Variants in NEGR1 observed in about 807,000 individuals in gnomAD.
The protein encoded by NEGR1 is neuronal growth regulator 1, also known as IgLON family member 4.
Under a neutral mutation model 40.9 loss-of-function variants are expected in NEGR1, and 10 were observed. The ratio of observed to expected loss-of-function variants is 0.24; its 90% confidence interval spans 0.15 to 0.42. NEGR1 has a LOEUF of 0.42. Among genes scored for constraint, NEGR1 ranks in the 10% least tolerant of loss-of-function variants. The pLI is 1.00. For missense variants in NEGR1, 352 were observed against 438.9 expected (o/e 0.80, Z 1.77); for synonymous variants, 185 against 166.8 (o/e 1.11, Z -0.84).
intron 6 of NEGR1, among the ~76,000 whole-genome samples, chr1:71,558,096 T>C (rs2101476640): frequency 6.6e-6 from 1 of 151,630 alleles, no homozygotes; most frequent in Middle Eastern, 3.4e-3. Context: ...TAATGTGTCT[T>C]ACTTCTGGTG....
At chr1:71,860,551 A>G (rs534663060) in intron 2 of NEGR1, among the ~76,000 whole-genome samples, 9 of 152,054 alleles carry the variant, frequency 5.9e-5, no homozygotes, top group Non-Finnish European at 1.2e-4. Flanking sequence ...TATGTTTGAA[A>G]AATCATTATA....
At chr1:71,617,564 G>A (rs997817217) in intron 4 of NEGR1, among the ~76,000 whole-genome samples, 1 of 152,206 alleles carries the variant, frequency 6.6e-6, no homozygotes, top group Admixed American at 6.5e-5. Flanking sequence ...CATGGACGGA[G>A]TTGCTGCCAT....
At chr1:71,470,355 C>T (rs1020976796) in intron 6 of NEGR1, among the ~76,000 whole-genome samples, 1 of 151,884 alleles carries the variant, frequency 6.6e-6, no homozygotes. Flanking sequence ...GATAATATGC[C>T]TCTCGATGTT....
intron 6 of NEGR1, among the ~76,000 whole-genome samples, chr1:71,533,996 C>T (rs1215351684): frequency 6.6e-6 from 1 of 151,554 alleles, no homozygotes; most frequent in African/African-American, 2.4e-5. Flanking sequence ...AGTAAGAAAA[C>T]CAGATTAGAT....
At chr1:72,225,728 A>T (rs1654171102) in intron 1 of NEGR1, among the ~76,000 whole-genome samples, 1 of 151,530 alleles carries the variant, frequency 6.6e-6, no homozygotes, top group African/African-American at 2.4e-5. Flanking sequence ...TATCCTGATA[A>T]ATAATTTTTA....
intron 1 of NEGR1, among the ~76,000 whole-genome samples, chr1:72,019,396 T>C (rs1391917684): frequency 2.0e-5 from 3 of 152,148 alleles, no homozygotes; most frequent in Non-Finnish European, 4.4e-5. Context: ...TGGTTTACAC[T>C]AGAAAATAGT....
chr1:71,511,226 T>C (rs1203907771), intron 6 of NEGR1, among the ~76,000 whole-genome samples: 4 of 152,226 alleles, frequency 2.6e-5, no homozygotes, highest in African/African-American at 9.6e-5. Flanking sequence ...GGAAAGGCAG[T>C]ATTCCTTGCT....
intron 1 of NEGR1, among the ~76,000 whole-genome samples, chr1:72,242,607 T>A (rs1570166144): frequency 6.6e-6 from 1 of 151,794 alleles, no homozygotes; most frequent in East Asian, 1.9e-4. Context: ...AATAATTTAC[T>A]CATGATATTA....
intron 1 of NEGR1, among the ~76,000 whole-genome samples, chr1:72,026,771 T>C (rs1646814137): frequency 6.6e-6 from 1 of 151,974 alleles, no homozygotes; most frequent in Non-Finnish European, 1.5e-5. Context: ...CCTCTTTTCC[T>C]TTTTTTTCAA....
At chr1:71,501,294 T>G (rs1178386007) in intron 6 of NEGR1, among the ~76,000 whole-genome samples, 1 of 152,176 alleles carries the variant, frequency 6.6e-6, no homozygotes, top group Non-Finnish European at 1.5e-5. Flanking sequence ...TCCTTTAAAA[T>G]TAATGCATTA....
chr1:72,227,802 G>GA (rs1325096335), intron 1 of NEGR1, among the ~76,000 whole-genome samples: 2 of 152,056 alleles, frequency 1.3e-5, no homozygotes, highest in Non-Finnish European at 2.9e-5. Context: ...AGACAGCTTT[G>GA]AATTTCACAG....
chr1:72,235,118 C>T (rs1255237344), intron 1 of NEGR1, among the ~76,000 whole-genome samples: 1 of 151,940 alleles, frequency 6.6e-6, no homozygotes, highest in Non-Finnish European at 1.5e-5. Flanking sequence ...TTCCTCTTGG[C>T]CTAAAACAAC....
intron 2 of NEGR1, among the ~76,000 whole-genome samples, chr1:71,828,538 G>A (rs146962454): frequency 1.2e-3 from 177 of 151,450 alleles, no homozygotes; most frequent in African/African-American, 4.1e-3. Flanking sequence ...CCTTTGTCTC[G>A]CTCTCTTTTT....
chr1:72,159,415 T>A (rs1196173991), intron 1 of NEGR1, among the ~76,000 whole-genome samples: 1 of 152,124 alleles, frequency 6.6e-6, no homozygotes. Flanking sequence ...AACATTGGAT[T>A]CACATTAGTG....
chr1:71,716,856 C>A (rs1329100276), intron 3 of NEGR1, among the ~76,000 whole-genome samples: 2 of 152,130 alleles, frequency 1.3e-5, no homozygotes, highest in African/African-American at 4.8e-5. Flanking sequence ...TTTGCAATGG[C>A]AAGTTTAGCC....
chr1:71,690,619 C>CAGAGAGAGAGAGAGAGAGAGAGAG lies in NEGR1; in HGVS notation c.667+7365_667+7388dup, dbSNP rs59019409. On this transcript the variant is annotated intron_variant, in intron 4 of 6. Coordinates refer to ENST00000357731, the MANE Select transcript of NEGR1 (RefSeq NM_173808.3). ...ACACACATATATATATAGAGGGAGA[C>CAGAGAGAGAGAGAGAGAGAGAGAG]AGAGAGAGAGAGAGAGAGAGAGAGA... 4.9e-4 allele frequency among the ~76,000 whole-genome samples: 33 copies of CAGAGAGAGAGAGAGAGAGAGAGAG among 67,646 alleles called. 3 individuals are homozygous for CAGAGAGAGAGAGAGAGAGAGAGAG. Among genetic ancestry groups the CAGAGAGAGAGAGAGAGAGAGAGAG allele is most frequent in the East Asian group, 2.5e-3 (5 of 1,964 alleles). The allele number at this position is 67,646 out of a possible 152,430, so 44.4% of individuals were successfully genotyped here.
intron 1 of NEGR1, among the ~76,000 whole-genome samples, chr1:72,024,114 T>G (rs184801830): frequency 6.6e-6 from 1 of 152,282 alleles, no homozygotes; most frequent in African/African-American, 2.4e-5. Flanking sequence ...TTGTTCAAAC[T>G]TAGATTAGAA....
chr1:71,958,708 C>T (rs1195648102), intron 1 of NEGR1, among the ~76,000 whole-genome samples: 1 of 152,062 alleles, frequency 6.6e-6, no homozygotes, highest in Non-Finnish European at 1.5e-5. Context: ...GTAATCCCAG[C>T]ACTGGGAGGC....
intron 6 of NEGR1, among the ~76,000 whole-genome samples, chr1:71,492,853 C>T (rs1272002307): frequency 6.6e-6 from 1 of 152,106 alleles, no homozygotes; most frequent in Non-Finnish European, 1.5e-5. Context: ...TAGCTTGCCT[C>T]TCACCATAGT....
Sources: gnomAD v4.1 joint callset for allele counts (sites outside exome capture counted in the v4.1 genomes callset) on GRCh38, gnomAD v4.1.1 for gene constraint, MANE v1.5 for transcripts, NCBI Gene and HGNC (gene_info 2026-07-23, HGNC 2026-07-21) for gene names.